The following WDR62 variants were observed in gnomAD, a reference collection of about 807,000 sequenced individuals.
WDR62 encodes WD repeat domain 62.
A neutral mutation model predicts 160.6 loss-of-function variants in WDR62; 112 were observed. The observed-to-expected ratio is 0.70, with a 90% confidence interval of 0.60 to 0.82. The LOEUF is 0.82. Ranked by LOEUF, WDR62 falls within the 40% of genes least tolerant of loss-of-function variation. WDR62 has a pLI of 0.00. For synonymous variants in WDR62, 792 were observed against 815.1 expected (o/e 0.97, Z 0.48); for missense variants, 1,819 against 1,983.8 (o/e 0.92, Z 1.58).
At chr19:36,107,174 C>T (rs139020499), downstream of WDR62, among the ~76,000 whole-genome samples, 5 of 152,358 alleles carry the variant, frequency 3.3e-5, no homozygotes, top group African/African-American at 1.2e-4. Context: ...CACCTGGCCT[C>T]TTCCTCTCCT....
chr19:36,101,495 G>A, intron 24 of WDR62, 169 bp from the exon 25 acceptor site: 1 of 793,772 alleles, frequency 1.3e-6, no homozygotes, highest in Non-Finnish European at 2.1e-6. Flanking sequence ...TGAGAGCCCA[G>A]CTCTGCCACC....
chr19:36,075,733 A>G (rs1423384746), intron 9 of WDR62, among the ~76,000 whole-genome samples: 1 of 152,248 alleles, frequency 6.6e-6, no homozygotes, highest in African/African-American at 2.4e-5. Flanking sequence ...GGCGTGAGCC[A>G]CTGTGCCTGG....
At chr19:36,060,166 G>A (rs1970574455) in intron 3 of WDR62, 136 bp downstream of exon 3, 4 of 882,838 alleles carry the variant, frequency 4.5e-6, no homozygotes, top group South Asian at 4.1e-5. Flanking sequence ...GCATTCGCCT[G>A]TGCTGGGTGC....
Position 36,081,490 on chromosome 19 carries a change from T to A in WDR62, c.1291T>A (p.Cys431Ser). ...ACLPSGSFLTCSSDNTIRFWN... is the reference protein window; with the variant it reads ...ACLPSGSFLTSSSDNTIRFWN... The stretch of plus-strand genomic sequence containing the variant: ...TTTGCCATCAGGATCCTTTCTGACT[T>A]GTTCTTCAGACAACACCATTCGCTT... The change falls in exon 10 of 32, where the codon TGT becomes AGT. Residue 431 changes from cysteine (C) to serine (S), a missense_variant. Physicochemically the swap from Cys to Ser is moderately radical, Grantham distance 112 (BLOSUM62 -1). Transcript: ENST00000401500. 1 of 1,614,224 alleles carries A rather than the reference T, an allele frequency of 6.2e-7. No homozygotes were observed. Among genetic ancestry groups the A allele is most frequent in the African/African-American group, 1.3e-5 (1 of 75,050 alleles).
intron 7 of WDR62, 134 bp downstream of exon 7, chr19:36,068,144 T>A: frequency 8.8e-7 from 1 of 1,142,432 alleles, no homozygotes; most frequent in Non-Finnish European, 1.3e-6. Flanking sequence ...TCTCTGAGCT[T>A]AAGGTTCCAC....
At chr19:36,074,079 A>G (rs947842716) in intron 9 of WDR62, 3 of 280,714 alleles carry the variant, frequency 1.1e-5, no homozygotes, top group Non-Finnish European at 2.1e-5. Flanking sequence ...CGGGAGGATC[A>G]CTTGAGTCCA....
At chr19:36,070,906 G>A (rs1252291416) in intron 7 of WDR62, 1 of 153,412 alleles carries the variant, frequency 6.5e-6, no homozygotes, top group East Asian at 1.9e-4. Flanking sequence ...AAGCAAAAGG[G>A]AATAAAATTT....
rs769925207 is a variant in WDR62, at chr19:36,104,884, G to A, written c.4428G>A (p.Val1476=). The change falls in exon 32 of 32, where the codon GTG becomes GTA. Residue 1476 remains valine, a synonymous_variant. Coordinates refer to ENST00000401500, the MANE Select transcript of WDR62 (RefSeq NM_001083961.2). ...LEAECLVGTS[V]APAQALPSPG... is the part of the protein sequence containing the mutation. ...CTGAATGCCTGGTGGGGACTAGTGTGGCCCCAGCCCAGGCTCTGCCCAGCC... is the reference window on the plus strand; with the variant it reads ...CTGAATGCCTGGTGGGGACTAGTGTAGCCCCAGCCCAGGCTCTGCCCAGCC... 6 of 1,612,148 alleles carry A rather than the reference G, an allele frequency of 3.7e-6. No individual in the cohort carries two copies. The African/African-American group carries it at 5.3e-5, about 14-fold the overall frequency.
At position 36,103,912 on chromosome 19, in the gene WDR62, A is replaced by G. The variant is rs376896705; in HGVS notation, c.4084A>G (p.Asn1362Asp). Residue 1362 changes from asparagine to aspartate, a missense_variant, in exon 30 of 32, where the codon AAC becomes GAC. Asn to Asp is a conservative substitution (Grantham distance 23). Around this residue, in one of 3 missense-constraint regions of WDR62, gnomAD observed 770 missense variants for 734.2 expected, o/e 1.05. Coordinates refer to ENST00000401500, the MANE Select transcript of WDR62 (RefSeq NM_001083961.2). ...CCCTGGCCTTCCTGCCCACCCCAGTAACCCCCAGCTTCCAGAGGCCCGGCC... is the reference window on the plus strand; with the variant it reads ...CCCTGGCCTTCCTGCCCACCCCAGTGACCCCCAGCTTCCAGAGGCCCGGCC... ...ESPGLPAHPS[N>D]PQLPEARPGI... The G allele has an allele frequency of 1.3e-6, 2 of 1,599,360 alleles. No homozygotes were observed. Among genetic ancestry groups the G allele is most frequent in the African/African-American group, 2.7e-5 (2 of 75,014 alleles).
downstream of WDR62, among the ~76,000 whole-genome samples, chr19:36,106,284 C>G (rs1250168299): frequency 6.7e-6 from 1 of 148,198 alleles, no homozygotes; most frequent in Non-Finnish European, 1.5e-5. Flanking sequence ...GAGAATCGCT[C>G]AAACCCAGGA....
chr19:36,104,096 C>G, intron 30 of WDR62, 115 bp downstream of exon 30: 6 of 1,324,572 alleles, frequency 4.5e-6, no homozygotes, highest in Non-Finnish European at 6.3e-6. Flanking sequence ...TTCATTCATT[C>G]GTGCATTAAC....
rs762312696 is a variant in WDR62, at chr19:36,084,790, C to T, written c.1642+46C>T. 5.1e-6 allele frequency: 8 copies of T among 1,569,052 alleles called. No homozygotes were observed. In the Admixed American group the frequency reaches 8.4e-5, roughly 16 times the overall value. ...GAATGGGGGTCAGGCAGGGAGGCAG[C>T]CCCCCTGGCAGGGCCACAGAAAGGG... is the stretch of plus-strand genomic sequence containing the variant. On this transcript the variant is annotated intron_variant, in intron 12 of 31. Coordinates refer to ENST00000401500, the MANE Select transcript of WDR62 (RefSeq NM_001083961.2).
At chr19:36,064,974 C>T (rs184282312) in intron 3 of WDR62, among the ~76,000 whole-genome samples, 2 of 152,230 alleles carry the variant, frequency 1.3e-5, no homozygotes, top group East Asian at 1.9e-4. Context: ...CTGTCGTGTG[C>T]GTATTTCAGG....
chr19:36,055,471 G>T (rs1054764982), intron 1 of WDR62, among the ~76,000 whole-genome samples: 3 of 152,148 alleles, frequency 2.0e-5, no homozygotes, highest in Non-Finnish European at 4.4e-5. Context: ...TAGACGTCAC[G>T]ATCATAGCTC....
At position 36,067,318 on chromosome 19, in the gene WDR62, G is replaced by A. The variant is rs1299043290; in HGVS notation, c.574G>A (p.Val192Met). The change falls in exon 6 of 32, where the codon GTG becomes ATG. Residue 192 changes from valine (V) to methionine (M), a missense_variant. Val to Met is a conservative substitution (Grantham distance 21). This residue lies in a region of WDR62 where 934 missense variants were observed against 1,157.2 expected (regional missense o/e 0.81). Transcript: ENST00000401500. ...CTTATTCTTCCAGAAAGACATCGTA[G>A]TGGCCTCCAACAAGGTATCTTGTAG... ...NVWDWKKDIV[V>M]ASNKVSCRVI... is the part of the protein sequence containing the mutation. The A allele has an allele frequency of 6.2e-7, 1 of 1,614,188 alleles. No homozygotes were observed. Among genetic ancestry groups the A allele is most frequent in the East Asian group, 2.2e-5 (1 of 44,888 alleles).
In WDR62 at chr19:36,102,995, C is replaced by G. The variant is rs745601945; in HGVS notation, c.3383C>G (p.Ser1128Cys). The change falls in exon 28 of 32, where the codon TCT becomes TGT. Residue 1128 changes from serine (S) to cysteine (C), a missense_variant. Physicochemically the swap from Ser to Cys is moderately radical, Grantham distance 112 (BLOSUM62 -1). Transcript: ENST00000401500. The part of the protein sequence containing the change: ...PPRATQCLVK[S>C]PEVKLMDRGG... ...CGGGCAACCCAGTGCCTTGTGAAGT[C>G]TCCAGAGGTCAAGCTCATGGACCGA... The G allele has an allele frequency of 2.5e-6, 4 of 1,614,156 alleles. No individual in the cohort carries two copies. The highest frequency in any genetic ancestry group is 1.1e-5 in the South Asian group (1 of 91,084).
chr19:36,097,336 G>A (rs908332629), intron 21 of WDR62, among the ~76,000 whole-genome samples: 3 of 152,234 alleles, frequency 2.0e-5, no homozygotes, highest in Admixed American at 6.5e-5. Flanking sequence ...CTGTGTGGGC[G>A]AGGAACAATA....
At chr19:36,102,306 G>A in intron 26 of WDR62, 155 bp downstream of exon 26, 1 of 1,128,834 alleles carries the variant, frequency 8.9e-7, no homozygotes, top group Non-Finnish European at 1.3e-6. Flanking sequence ...CTGTTGCCAG[G>A]CTGGAGTGCG....
At chr19:36,081,225 A>T (rs1180289952) in intron 9 of WDR62, among the ~76,000 whole-genome samples, 1 of 152,090 alleles carries the variant, frequency 6.6e-6, no homozygotes, top group Admixed American at 6.5e-5. Flanking sequence ...ATTTGAGGGT[A>T]TGTGTTAAGG....
Sources: gnomAD v4.1 joint callset for allele counts (sites outside exome capture counted in the v4.1 genomes callset) on GRCh38, gnomAD v4.1.1 for gene constraint, gnomAD v4.1.1 regional missense constraint, MANE v1.5 for transcripts, NCBI Gene and HGNC (gene_info 2026-07-23, HGNC 2026-07-21) for gene names.